The following YY1 variants were observed in gnomAD, a reference collection of about 807,000 sequenced individuals.
YY1 encodes the protein YY1 transcription factor.
A neutral mutation model predicts 35.6 loss-of-function variants in YY1; 2 were observed. The observed-to-expected ratio is 0.06, with a 90% CI of 0.02 to 0.18. The LOEUF is 0.18. Ranked by LOEUF, YY1 falls within the 10% of genes least tolerant of loss-of-function variation. The pLI, the probability that YY1 is intolerant of heterozygous loss-of-function variation, is 1.00. For synonymous variants in YY1, 268 were observed against 238.9 expected, an observed-to-expected ratio of 1.12 and a Z score of -1.12; for missense variants, 322 against 573.4, an observed-to-expected ratio of 0.56 and a Z score of 4.48.
At chr14:100,248,603 A>G (rs975760395) in intron 1 of YY1, among the ~76,000 whole-genome samples, 5 of 151,462 alleles carry the variant, frequency 3.3e-5, no homozygotes, top group African/African-American at 1.2e-4. Flanking sequence ...CCTGGGCTCA[A>G]GCGGTTCTCT....
chr14:100,259,959 T>C (rs1891057500), intron 1 of YY1, among the ~76,000 whole-genome samples: 1 of 152,234 alleles, frequency 6.6e-6, no homozygotes, highest in South Asian at 2.1e-4. Flanking sequence ...GTTTATCCTT[T>C]GCAGTATCAC....
intron 2 of YY1, among the ~76,000 whole-genome samples, chr14:100,270,331 C>T (rs1347200845): frequency 6.7e-6 from 1 of 148,394 alleles, no homozygotes; most frequent in East Asian, 2.0e-4. Flanking sequence ...GTATGGGAGG[C>T]CGGGTGCCGT....
chr14:100,270,168 C>A (rs946205511), intron 2 of YY1, among the ~76,000 whole-genome samples: 2 of 140,172 alleles, frequency 1.4e-5, no homozygotes, highest in Middle Eastern at 4.1e-3. Context: ...GAGGCTGAGG[C>A]AGGAGAATGG....
intron 1 of YY1, 85 bp from the exon 2 acceptor site, chr14:100,262,219 A>G: frequency 1.4e-6 from 2 of 1,464,692 alleles, no homozygotes; most frequent in South Asian, 2.4e-5. Context: ...AAATCACCCC[A>G]TTTAAGAAGT....
chr14:100,275,266 AATTGG>A, intron 3 of YY1, among the ~76,000 whole-genome samples: 1 of 152,358 alleles, frequency 6.6e-6, no homozygotes, highest in Middle Eastern at 3.4e-3. Context: ...TTTCAAACTT[AATTGG>A]ATATGAGACT....
chr14:100,240,220 C>T (rs1350027781), intron 1 of YY1, among the ~76,000 whole-genome samples: 1 of 143,886 alleles, frequency 6.9e-6, no homozygotes, highest in East Asian at 2.1e-4. Flanking sequence ...GGGGCCGGCG[C>T]GCTCGCTCCC....
chr14:100,239,416 G>T lies in YY1; in HGVS notation c.172G>T (p.Asp58Tyr). The T allele has an allele frequency of 6.3e-7, 1 of 1,594,842 alleles. No homozygotes were observed. The change falls in exon 1 of 5, where the codon GAC becomes TAC. Residue 58 changes from aspartate (D) to tyrosine (Y), a missense_variant. By Grantham distance (160) the Asp-to-Tyr change is radical. Transcript: ENST00000262238. ...DDDDEDGGGG[D>Y]HGGGGGHGHA... ...CGACGACGAGGACGGCGGCGGTGGC[G>T]ACCACGGCGGCGGGGGCGGCCACGG...
rs558467567 is a variant in YY1, at chr14:100,279,128, G to C, written c.*1528G>C. On this transcript the variant is annotated 3_prime_UTR_variant, in exon 5 of 5. Transcript: ENST00000262238. ...TCACATTGTAACCTCTTAAATGTAC[G>C]ATTATAATGTTGGATCTTAGGTCAA... 5 of 152,296 alleles carry C rather than the reference G, an allele frequency of 3.3e-5. No individual in the cohort carries two copies. The highest frequency in any genetic ancestry group is 2.0e-4 in the Admixed American group (3 of 15,304). The allele number at this position is 152,296 out of a possible 1,614,324, so 9.4% of individuals were successfully genotyped here.
rs1566765998 is a variant in YY1, at chr14:100,239,760, C to T, written c.516C>T (p.Val172=). The part of the protein sequence containing the change: ...GGSSSSGGGR[V]KKGGGKKSGK... Reference sequence around the variant, plus strand: ...CGTCGTCGTCGGGAGGCGGCCGCGTCAAGAAGGGCGGCGGCAAGAAGAGCG... The same window carrying T: ...CGTCGTCGTCGGGAGGCGGCCGCGTTAAGAAGGGCGGCGGCAAGAAGAGCG... Residue 172 remains valine (V), a synonymous_variant, in exon 1 of 5, where the codon GTC becomes GTT. Transcript: ENST00000262238. The T allele has an allele frequency of 3.8e-6, 6 of 1,579,004 alleles. No individual in the cohort carries two copies. In the South Asian group the frequency reaches 5.6e-5, roughly 15 times the overall value.
chr14:100,273,228 G>A (rs1299674942), intron 2 of YY1, among the ~76,000 whole-genome samples: 2 of 152,056 alleles, frequency 1.3e-5, no homozygotes, highest in African/African-American at 4.8e-5. Flanking sequence ...GCCTCCCAAA[G>A]TGCTGGGATT....
At chr14:100,243,126 C>T (rs1890776400) in intron 1 of YY1, among the ~76,000 whole-genome samples, 1 of 152,116 alleles carries the variant, frequency 6.6e-6, no homozygotes, top group Admixed American at 6.5e-5. Context: ...TCTGCATTTC[C>T]CAAGCTGAAA....
intron 1 of YY1, among the ~76,000 whole-genome samples, chr14:100,254,024 T>TG (rs1221016893): frequency 1.3e-5 from 2 of 151,434 alleles, no homozygotes; most frequent in African/African-American, 4.9e-5. Context: ...TTGCTAGAGG[T>TG]GGGGTTTCAC....
chr14:100,241,822 A>C (rs1166653789), intron 1 of YY1, among the ~76,000 whole-genome samples: 1 of 151,976 alleles, frequency 6.6e-6, no homozygotes, highest in Non-Finnish European at 1.5e-5. Flanking sequence ...AAAAATATAA[A>C]AATTAGCCAG....
In YY1 at chr14:100,261,086, T is replaced by G. The variant is rs1415659922; in HGVS notation, c.680-1218T>G. On this transcript the variant is annotated intron_variant, in intron 1 of 4. Coordinates refer to ENST00000262238, the MANE Select transcript of YY1 (RefSeq NM_003403.5). ...TGCTGGGATTACAGGCATGAGCCAC[T>G]GCACCTGGCCTATTTTTTGTAACCT... Among the ~76,000 whole-genome samples, 3 of 152,166 alleles carry G rather than the reference T, an allele frequency of 2.0e-5. No homozygotes were observed. The East Asian group carries it at 5.8e-4, about 29-fold the overall frequency.
At chr14:100,249,760 G>GTT (rs34925666) in intron 1 of YY1, among the ~76,000 whole-genome samples, 83,513 of 142,626 alleles carry the variant, frequency 0.59, 24,391 homozygotes, top group South Asian at 0.78. Flanking sequence ...TTTTTTTTTT[G>GTT]TTTGTTTTTG....
Position 100,279,254 on chromosome 14 carries a change from T to G in YY1, c.*1654T>G, listed in dbSNP as rs1294369906. The stretch of plus-strand genomic sequence containing the variant: ...TGTGTCTTTCTGTTTTGTGTATGCT[T>G]GACTGCAAGATAAATGACAAACTAG... On this transcript the variant is annotated 3_prime_UTR_variant, in exon 5 of 5. Coordinates refer to ENST00000262238, the MANE Select transcript of YY1 (RefSeq NM_003403.5). The G allele has an allele frequency of 6.6e-6, 1 of 152,244 alleles. No individual in the cohort carries two copies. Among genetic ancestry groups the G allele is most frequent in the Non-Finnish European group, 1.5e-5 (1 of 68,052 alleles). 9.4% of individuals were successfully genotyped at this position (152,244 alleles called of 1,614,324 possible).
At chr14:100,267,680 C>T (rs186544560) in intron 2 of YY1, among the ~76,000 whole-genome samples, 103 of 152,228 alleles carry the variant, frequency 6.8e-4, no homozygotes, top group African/African-American at 1.7e-3. Flanking sequence ...CCCGCCACTA[C>T]GCCCGGCTAA....
At chr14:100,265,742 C>T (rs571860870) in intron 2 of YY1, among the ~76,000 whole-genome samples, 11 of 150,614 alleles carry the variant, frequency 7.3e-5, no homozygotes, top group Non-Finnish European at 1.5e-4. Context: ...CTCTTCCACC[C>T]GGGTTCAAGT....
At chr14:100,240,683 C>T (rs931804857) in intron 1 of YY1, among the ~76,000 whole-genome samples, 2 of 152,230 alleles carry the variant, frequency 1.3e-5, no homozygotes, top group Admixed American at 6.5e-5. Flanking sequence ...CAGTCGGAGC[C>T]TGTCACCGCC....
Sources: gnomAD v4.1 joint callset for allele counts (sites outside exome capture counted in the v4.1 genomes callset) on GRCh38, gnomAD v4.1.1 for gene constraint, MANE v1.5 for transcripts, NCBI Gene and HGNC (gene_info 2026-07-23, HGNC 2026-07-21) for gene names.